The following GRID2 variants were observed in gnomAD, a reference collection of about 807,000 sequenced individuals.
GRID2 encodes the protein glutamate ionotropic receptor delta type subunit 2.
In GRID2, 33 loss-of-function variants were observed where a neutral mutation model predicts 114.8. That is an observed-to-expected ratio of 0.29 (90% CI 0.22 to 0.38). The LOEUF (loss-of-function observed/expected upper bound fraction) is 0.38. GRID2 is among the 10% of genes least tolerant of loss of function. The probability of loss-of-function intolerance (pLI) is 1.00; values close to 1 mark genes in which losing one functional copy is unlikely to be tolerated. For synonymous variants in GRID2, 505 were observed against 449.9 expected (o/e 1.12, Z -1.55); for missense variants, 1,184 against 1,257.7 (o/e 0.94, Z 0.89).
chr4:92,534,540 A>C (rs1473063867), intron 1 of GRID2, among the ~76,000 whole-genome samples: 2 of 152,182 alleles, frequency 1.3e-5, no homozygotes, highest in African/African-American at 2.4e-5. Flanking sequence ...ATGTGACCAC[A>C]GGTGAGATAA....
At chr4:92,352,334 GATT>G (rs956610910) in intron 1 of GRID2, among the ~76,000 whole-genome samples, 3 of 70,850 alleles carry the variant, frequency 4.2e-5, no homozygotes, top group Admixed American at 2.0e-4. Flanking sequence ...TGTTAAATTG[GATT>G]ATTTTATTAT....
chr4:92,893,125 C>T (rs1431367051), intron 2 of GRID2, among the ~76,000 whole-genome samples: 1 of 152,120 alleles, frequency 6.6e-6, no homozygotes, highest in Non-Finnish European at 1.5e-5. Context: ...CATAAAGCTA[C>T]AGTATATATC....
chr4:92,382,932 T>C (rs1197200789), intron 1 of GRID2, among the ~76,000 whole-genome samples: 1 of 151,988 alleles, frequency 6.6e-6, no homozygotes, highest in Non-Finnish European at 1.5e-5. Flanking sequence ...AGTTGGGTCA[T>C]GGTTCTGCAG....
At chr4:93,189,760 C>CCACTA (rs1560967415) in intron 4 of GRID2, among the ~76,000 whole-genome samples, 6 of 137,686 alleles carry the variant, frequency 4.4e-5, no homozygotes, top group African/African-American at 1.6e-4. Flanking sequence ...AACAACAACA[C>CCACTA]CACCACACCA....
At chr4:93,295,892 A>G (rs2149158023) in intron 8 of GRID2, among the ~76,000 whole-genome samples, 1 of 152,366 alleles carries the variant, frequency 6.6e-6, no homozygotes, top group East Asian at 1.9e-4. Flanking sequence ...CACGTCAGAT[A>G]GCATAGCCTT....
intron 2 of GRID2, among the ~76,000 whole-genome samples, chr4:92,729,412 C>A (rs1736222726): frequency 6.6e-6 from 1 of 151,846 alleles, no homozygotes; most frequent in Non-Finnish European, 1.5e-5. Context: ...TGTATGTTCA[C>A]CACCCTTACT....
chr4:93,369,636 A>G (rs1762680990), intron 8 of GRID2, among the ~76,000 whole-genome samples: 1 of 152,042 alleles, frequency 6.6e-6, no homozygotes, highest in Admixed American at 6.6e-5. Flanking sequence ...GGACAGGTGC[A>G]TGCCACCACA....
intron 4 of GRID2, among the ~76,000 whole-genome samples, chr4:93,173,322 G>C (rs1739030249): frequency 6.6e-6 from 1 of 152,026 alleles, no homozygotes; most frequent in South Asian, 2.1e-4. Context: ...ATTTGTCATA[G>C]AGCATATTAG....
intron 13 of GRID2, among the ~76,000 whole-genome samples, chr4:93,570,485 A>G (rs758090010): frequency 1.3e-4 from 20 of 152,198 alleles, no homozygotes; most frequent in Non-Finnish European, 2.4e-4. Context: ...TGTCGGGGAA[A>G]ATAACTACTC....
chr4:92,325,838 ATTG>A (rs1403950186), intron 1 of GRID2, among the ~76,000 whole-genome samples: 1 of 151,534 alleles, frequency 6.6e-6, no homozygotes, highest in Non-Finnish European at 1.5e-5. Flanking sequence ...TTCAATCTAT[ATTG>A]TTTTCTGATT....
chr4:92,433,667 T>C (rs967530269), intron 1 of GRID2, among the ~76,000 whole-genome samples: 1 of 152,206 alleles, frequency 6.6e-6, no homozygotes, highest in Non-Finnish European at 1.5e-5. Context: ...CTGTCCTCAA[T>C]ATAATGTTAC....
At chr4:92,948,704 T>C (rs534181608) in intron 2 of GRID2, among the ~76,000 whole-genome samples, 57 of 152,086 alleles carry the variant, frequency 3.7e-4, no homozygotes, top group African/African-American at 1.3e-3. Flanking sequence ...TTATGAAACA[T>C]ACAAACATGT....
At chr4:93,059,773 A>T (rs754238650) in intron 2 of GRID2, among the ~76,000 whole-genome samples, 4 of 152,140 alleles carry the variant, frequency 2.6e-5, no homozygotes, top group Non-Finnish European at 5.9e-5. Context: ...AAAAGCTTTA[A>T]ACTTTCCTCA....
intron 2 of GRID2, among the ~76,000 whole-genome samples, chr4:93,003,762 G>C (rs1721236456): frequency 6.6e-6 from 1 of 151,898 alleles, no homozygotes; most frequent in Non-Finnish European, 1.5e-5. Flanking sequence ...ATATGACTTA[G>C]TATGTGGTGT....
At chr4:93,501,489 A>G (rs1728102599) in intron 12 of GRID2, among the ~76,000 whole-genome samples, 2 of 151,904 alleles carry the variant, frequency 1.3e-5, no homozygotes, top group Non-Finnish European at 2.9e-5. Context: ...TCATCTCCTT[A>G]CTCTCTATTG....
intron 2 of GRID2, among the ~76,000 whole-genome samples, chr4:92,889,420 A>G (rs1018017515): frequency 6.6e-6 from 1 of 152,208 alleles, no homozygotes; most frequent in Admixed American, 6.5e-5. Context: ...AACTTCAGCA[A>G]AGTCTCAGGA....
chr4:93,769,781 G>T (rs1042342328), intron 15 of GRID2, among the ~76,000 whole-genome samples: 1 of 152,114 alleles, frequency 6.6e-6, no homozygotes. Context: ...AGTTCACAGA[G>T]ATACTTACCA....
At position 92,725,076 on chromosome 4, in the gene GRID2, G is replaced by A. The variant is rs10213576; in HGVS notation, c.244+134790G>A. Reference sequence around the variant, plus strand: ...AGCATTTTAGGAGGCCGAGAGGGGTGGATCACTTGAGGCTGGGAGTTCGAG... The same window carrying A: ...AGCATTTTAGGAGGCCGAGAGGGGTAGATCACTTGAGGCTGGGAGTTCGAG... On this transcript the variant is annotated intron_variant, in intron 2 of 15. Coordinates refer to ENST00000282020, the MANE Select transcript of GRID2 (RefSeq NM_001510.4). 1.4e-3 allele frequency among the ~76,000 whole-genome samples: 211 copies of A among 152,174 alleles called. 1 individual carries two copies. Among genetic ancestry groups the A allele is most frequent in the African/African-American group, 5.0e-3 (206 of 41,522 alleles).
intron 1 of GRID2, among the ~76,000 whole-genome samples, chr4:92,450,242 G>C (rs1019731817): frequency 3.5e-4 from 53 of 152,030 alleles, no homozygotes; most frequent in African/African-American, 1.2e-3. Flanking sequence ...ATGTATAATA[G>C]GTGCAGAATT....
Sources: allele counts gnomAD v4.1 joint callset (sites outside exome capture counted in the v4.1 genomes callset), GRCh38; gene constraint gnomAD v4.1.1; transcripts MANE v1.5; gene names NCBI Gene and HGNC (gene_info 2026-07-23, HGNC 2026-07-21).